Variants in SCGB2B2 observed in about 807,000 individuals in gnomAD.
The protein encoded by SCGB2B2 is secretoglobin family 2B member 2, also known as secretoglobin-like protein.
A neutral mutation model predicts 7.6 loss-of-function variants in SCGB2B2; 11 were observed. That is an observed-to-expected ratio of 1.45 (90% CI 0.91 to 2.40). SCGB2B2 has a LOEUF of 2.40. Among genes scored for constraint, SCGB2B2 ranks in the 30% most tolerant of loss-of-function variants. The probability of loss-of-function intolerance (pLI) is 0.00; values close to 1 mark genes in which losing one functional copy is unlikely to be tolerated. For synonymous variants in SCGB2B2, 50 were observed against 48.6 expected, an observed-to-expected ratio of 1.03 and a Z score of -0.12; for missense variants, 104 against 115.4, an observed-to-expected ratio of 0.90 and a Z score of 0.45.
At chr19:34,649,490 CTTTT>C (rs926450769) in intron 1 of SCGB2B2, among the ~76,000 whole-genome samples, 17 of 152,138 alleles carry the variant, frequency 1.1e-4, no homozygotes, top group Admixed American at 3.3e-4. Context: ...TTCGATTTCT[CTTTT>C]TTTGTGTGAA....
At chr19:34,636,695 T>C (rs927825499) in intron 1 of SCGB2B2, among the ~76,000 whole-genome samples, 1 of 152,006 alleles carries the variant, frequency 6.6e-6, no homozygotes, top group Non-Finnish European at 1.5e-5. Flanking sequence ...ATGGGCAAAA[T>C]GTCAAGAATG....
chr19:34,655,200 AAGG>A (rs2067251697), intron 1 of SCGB2B2, among the ~76,000 whole-genome samples: 1 of 151,266 alleles, frequency 6.6e-6, no homozygotes. Flanking sequence ...GTGAAGATGG[AAGG>A]AGGAGTCAGA....
chr19:34,649,654 G>A (rs1380615435), intron 1 of SCGB2B2, among the ~76,000 whole-genome samples: 2 of 152,124 alleles, frequency 1.3e-5, no homozygotes, highest in Admixed American at 1.3e-4. Flanking sequence ...TTCGAGACCA[G>A]CCTGACCAAC....
At chr19:34,673,464 G>A (rs1453679213) in intron 1 of SCGB2B2, among the ~76,000 whole-genome samples, 1 of 152,168 alleles carries the variant, frequency 6.6e-6, no homozygotes, top group Non-Finnish European at 1.5e-5. Context: ...TTTAAGATGT[G>A]TCGCAGAGTG....
rs891674093 is a variant in SCGB2B2 at position 34,654,454 on chromosome 19, A to T, written c.-2032+21176T>A. On this transcript the variant is annotated intron_variant, in intron 1 of 3. Coordinates refer to ENST00000601241, the MANE Select transcript of SCGB2B2 (RefSeq NM_001025591.4). ...AGATAAACATACTTGTTACAGGTCAATTATATGTTAATAAAGCTATTAAAA... is the reference window on the plus strand; with the variant it reads ...AGATAAACATACTTGTTACAGGTCATTTATATGTTAATAAAGCTATTAAAA... Among the ~76,000 whole-genome samples the T allele has an allele frequency of 1.3e-5, 2 of 151,326 alleles. 1 individual carries two copies. Among genetic ancestry groups the T allele is most frequent in the African/African-American group, 4.9e-5 (2 of 40,586 alleles).
At chr19:34,615,439 ATTTT>A (rs74183311) in intron 1 of SCGB2B2, among the ~76,000 whole-genome samples, 1 of 133,690 alleles carries the variant, frequency 7.5e-6, no homozygotes, top group East Asian at 2.2e-4. Context: ...GAGGTCCAGC[ATTTT>A]TTTTTTTTTT....
chr19:34,612,007 GT>G (rs1442250733), intron 1 of SCGB2B2, among the ~76,000 whole-genome samples: 26 of 80,854 alleles, frequency 3.2e-4, no homozygotes, highest in African/African-American at 1.2e-3. Context: ...TCATATATTT[GT>G]GTTTTAGAAA....
At chr19:34,631,401 T>A (rs1022645575) in intron 1 of SCGB2B2, among the ~76,000 whole-genome samples, 3 of 151,940 alleles carry the variant, frequency 2.0e-5, no homozygotes, top group Non-Finnish European at 4.4e-5. Flanking sequence ...TCTTCCACTG[T>A]GGGCCAGGGA....
chr19:34,621,457 T>C (rs531763418), intron 1 of SCGB2B2, among the ~76,000 whole-genome samples: 222 of 151,518 alleles, frequency 1.5e-3, no homozygotes, highest in African/African-American at 5.1e-3. Flanking sequence ...TTTTTTTTTT[T>C]CCCCAAGGAG....
At position 34,672,109 on chromosome 19, in the gene SCGB2B2, C is replaced by T. The variant is rs551652372; in HGVS notation, c.-2032+3521G>A. Among the ~76,000 whole-genome samples, 3 of 151,532 alleles carry T rather than the reference C, an allele frequency of 2.0e-5. No homozygotes were observed. The East Asian group carries it at 5.8e-4, about 29-fold the overall frequency. ...TGAGCCATGATGGGGCCAATGCACT[C>T]CAGGTGGGGTGTAAAAATAAATAAT... On this transcript the variant is annotated intron_variant, in intron 1 of 3. Coordinates refer to ENST00000601241, the MANE Select transcript of SCGB2B2 (RefSeq NM_001025591.4).
At chr19:34,637,098 G>T (rs2066703043) in intron 1 of SCGB2B2, among the ~76,000 whole-genome samples, 1 of 152,198 alleles carries the variant, frequency 6.6e-6, no homozygotes, top group Non-Finnish European at 1.5e-5. Context: ...CATTGGTCCT[G>T]CAATTCCCAG....
intron 1 of SCGB2B2, among the ~76,000 whole-genome samples, chr19:34,639,999 G>A (rs1413655413): frequency 6.6e-6 from 1 of 152,028 alleles, no homozygotes; most frequent in Non-Finnish European, 1.5e-5. Context: ...CCATAAATTG[G>A]GGAAAATCTT....
At chr19:34,616,151 G>A (rs556950422) in intron 1 of SCGB2B2, among the ~76,000 whole-genome samples, 1 of 149,186 alleles carries the variant, frequency 6.7e-6, no homozygotes, top group East Asian at 2.0e-4. Flanking sequence ...ATAAACATAC[G>A]TGTGCATGTG....
chr19:34,608,421 T>C (rs190655919), intron 1 of SCGB2B2, among the ~76,000 whole-genome samples: 156 of 151,234 alleles, frequency 1.0e-3, no homozygotes, highest in African/African-American at 3.6e-3. Flanking sequence ...TTGCACTTTG[T>C]ACCATTAATC....
At chr19:34,638,764 T>C (rs1298873423) in intron 1 of SCGB2B2, among the ~76,000 whole-genome samples, 1 of 152,192 alleles carries the variant, frequency 6.6e-6, no homozygotes, top group Non-Finnish European at 1.5e-5. Flanking sequence ...AAGCTTTTCA[T>C]GATCCACCAA....
chr19:34,636,730 C>T (rs1310517229), intron 1 of SCGB2B2, among the ~76,000 whole-genome samples: 4 of 152,082 alleles, frequency 2.6e-5, no homozygotes, highest in Non-Finnish European at 5.9e-5. Context: ...GAGTTATGGC[C>T]CCTGCCCTTG....
chr19:34,658,834 A>AAAAAAAAAAAAAG (rs1555749405), intron 1 of SCGB2B2, among the ~76,000 whole-genome samples: 9 of 118,740 alleles, frequency 7.6e-5, no homozygotes, highest in Non-Finnish European at 1.7e-4. Context: ...AAAAAAAAAA[A>AAAAAAAAAAAAAG]AGAGAGAGAA....
intron 1 of SCGB2B2, among the ~76,000 whole-genome samples, chr19:34,626,322 G>A (rs1224076322): frequency 2.6e-5 from 4 of 152,134 alleles, no homozygotes; most frequent in Non-Finnish European, 5.9e-5. Flanking sequence ...ACTAAAGGAG[G>A]AAGTTCGAAC....
chr19:34,614,331 G>A (rs1379786310), intron 1 of SCGB2B2, among the ~76,000 whole-genome samples: 1 of 151,506 alleles, frequency 6.6e-6, no homozygotes, highest in Non-Finnish European at 1.5e-5. Flanking sequence ...TCTGTAATTG[G>A]GTAATTTTAA....
Sources: allele counts gnomAD v4.1 joint callset (sites outside exome capture counted in the v4.1 genomes callset), GRCh38; gene constraint gnomAD v4.1.1; transcripts MANE v1.5; gene names NCBI Gene and HGNC (gene_info 2026-07-23, HGNC 2026-07-21).